The following HABP4 variants were observed in gnomAD, a reference collection of about 807,000 sequenced individuals.
HABP4 encodes hyaluronan binding protein 4.
HABP4 carries 32 observed loss-of-function variants against 44.1 expected under a neutral mutation model. That is an observed-to-expected ratio of 0.73 (90% CI 0.55 to 0.97). HABP4 has a LOEUF of 0.97. Among genes scored for constraint, HABP4 ranks in the 50% least tolerant of loss-of-function variants. HABP4 has a pLI of 0.00. For missense variants in HABP4, 503 were observed against 561.9 expected (o/e 0.90, Z 1.06); for synonymous variants, 216 against 218.0 (o/e 0.99, Z 0.08).
At chr9:96,467,634 T>C (rs1489627744) in intron 4 of HABP4, among the ~76,000 whole-genome samples, 1 of 151,318 alleles carries the variant, frequency 6.6e-6, no homozygotes. Flanking sequence ...CAAGCAATTC[T>C]CTTGCCTTAG....
chr9:96,460,662 A>G (rs980465513), intron 2 of HABP4, among the ~76,000 whole-genome samples: 1 of 152,226 alleles, frequency 6.6e-6, no homozygotes, highest in Non-Finnish European at 1.5e-5. Flanking sequence ...CTTTGTCCTT[A>G]TGAATTTGAC....
intron 5 of HABP4, 142 bp from the exon 6 acceptor site, chr9:96,484,320 T>A (rs1832932856): frequency 1.8e-6 from 1 of 548,592 alleles, no homozygotes; most frequent in South Asian, 2.9e-5. Context: ...AGCTTGTGAG[T>A]CAAAGATTTC....
chr9:96,466,179 G>A (rs570878860), intron 4 of HABP4, among the ~76,000 whole-genome samples: 1 of 152,224 alleles, frequency 6.6e-6, no homozygotes, highest in African/African-American at 2.4e-5. Flanking sequence ...AGACCAGCCT[G>A]TCCAACATGG....
rs138974636 is a variant in HABP4 at position 96,471,301 on chromosome 9, C to A, written c.827+207C>A. Among the ~76,000 whole-genome samples the A allele has an allele frequency of 3.2e-3, 487 of 152,226 alleles. 4 individuals carry two copies. The highest frequency in any genetic ancestry group is 0.011 in the African/African-American group (467 of 41,536). ...GGGACAATAGGCGTGCGCCACCACG[C>A]CCAGCTAATTTTTGCATTTTTAGTA... is the stretch of plus-strand genomic sequence containing the variant. On this transcript the variant is annotated intron_variant, in intron 5 of 7. Coordinates refer to ENST00000375249, the MANE Select transcript of HABP4 (RefSeq NM_014282.4).
intron 5 of HABP4, among the ~76,000 whole-genome samples, chr9:96,480,140 AC>A (rs1000814187): frequency 1.3e-5 from 2 of 152,106 alleles, no homozygotes; most frequent in Non-Finnish European, 2.9e-5. Context: ...ATACCACCGC[AC>A]TCCAGCCTGG....
chr9:96,489,928 A>T, intron 7 of HABP4, 54 bp from the exon 8 acceptor site: 1 of 1,078,316 alleles, frequency 9.3e-7, no homozygotes, highest in Non-Finnish European at 1.4e-6. Flanking sequence ...CCACTGGGAT[A>T]TCGGGAATGG....
chr9:96,479,523 T>C (rs1231474171), intron 5 of HABP4, among the ~76,000 whole-genome samples: 1 of 152,086 alleles, frequency 6.6e-6, no homozygotes, highest in Admixed American at 6.5e-5. Context: ...TTTTTTTTTT[T>C]CTTTTTGAGA....
chr9:96,463,441 G>A (rs532442191), intron 2 of HABP4, among the ~76,000 whole-genome samples: 6 of 152,186 alleles, frequency 3.9e-5, no homozygotes, highest in Admixed American at 3.9e-4. Flanking sequence ...TTTTAGTAGA[G>A]ATGGGGTCTC....
At chr9:96,471,532 G>A (rs1028277189) in intron 5 of HABP4, among the ~76,000 whole-genome samples, 2 of 152,236 alleles carry the variant, frequency 1.3e-5, no homozygotes, top group South Asian at 4.2e-4. Context: ...TGAATGACTG[G>A]TGATCAAACT....
Position 96,450,852 on chromosome 9 carries a change from C to T in HABP4, c.349+224C>T, listed in dbSNP as rs1183030849. Among the ~76,000 whole-genome samples, 1 of 152,098 alleles carries T rather than the reference C, an allele frequency of 6.6e-6. No individual in the cohort carries two copies. The highest frequency in any genetic ancestry group is 1.5e-5 in the Non-Finnish European group (1 of 68,010). On this transcript the variant is annotated intron_variant, in intron 1 of 7. Coordinates refer to ENST00000375249, the MANE Select transcript of HABP4 (RefSeq NM_014282.4). The surrounding 1 kb of genome is among the most constrained non-coding windows in gnomAD (Gnocchi z 4.8). Reference sequence around the variant, plus strand: ...ACGCTGGCTTGGGGTGGGATAGGGCCCTCGAACCCTGGCACTGAGGCTCTA... The same window carrying T: ...ACGCTGGCTTGGGGTGGGATAGGGCTCTCGAACCCTGGCACTGAGGCTCTA...
intron 5 of HABP4, among the ~76,000 whole-genome samples, chr9:96,480,688 C>A (rs1278949162): frequency 6.6e-6 from 1 of 152,140 alleles, no homozygotes; most frequent in Non-Finnish European, 1.5e-5. Context: ...ATGCATATCA[C>A]TAAATAGAAT....
rs771242161 is a variant in HABP4 at position 96,450,623 on chromosome 9, C to A, written c.344C>A (p.Ala115Glu). Residue 115 changes from alanine (A) to glutamate (E), a missense_variant, in exon 1 of 8, where the codon GCG becomes GAG. This residue lies in a region of HABP4 where 290 missense variants were observed against 300.5 expected (regional missense o/e 0.97). Transcript: ENST00000375249. The surrounding 1 kb of genome is among the most constrained non-coding windows in gnomAD (Gnocchi z 4.8). Reference sequence around the variant, plus strand: ...GATAGCCCCGGGGGCGGCCTGCAGGCGCCGGGTACGCGGGGACAGCGGGGT... The same window carrying A: ...GATAGCCCCGGGGGCGGCCTGCAGGAGCCGGGTACGCGGGGACAGCGGGGT... ...RPDSPGGGLQ[A>E]PGQKRTPRRG... 1 of 1,264,260 alleles carries A rather than the reference C, an allele frequency of 7.9e-7. No homozygotes were observed. Among genetic ancestry groups the A allele is most frequent in the Non-Finnish European group, 9.9e-7 (1 of 1,005,496 alleles). 78.3% of individuals were successfully genotyped at this position (1,264,260 alleles called of 1,614,324 possible).
At chr9:96,477,183 TTG>T (rs1832796829) in intron 5 of HABP4, among the ~76,000 whole-genome samples, 1 of 152,368 alleles carries the variant, frequency 6.6e-6, no homozygotes, top group East Asian at 1.9e-4. Context: ...ATTTATAAAC[TTG>T]TATTAGGTCG....
chr9:96,469,762 C>T (rs538734774), intron 4 of HABP4, among the ~76,000 whole-genome samples: 2 of 152,206 alleles, frequency 1.3e-5, no homozygotes, highest in South Asian at 4.1e-4. Context: ...ACCTCGTGAT[C>T]CTTCTGCCTC....
chr9:96,455,764 T>TA (rs1398397869), intron 1 of HABP4, among the ~76,000 whole-genome samples: 24 of 146,396 alleles, frequency 1.6e-4, no homozygotes, highest in South Asian at 1.5e-3. Context: ...AGACTTGGTC[T>TA]AAAAAAAAAG....
chr9:96,487,331 G>A (rs982052013), intron 6 of HABP4, among the ~76,000 whole-genome samples: 1 of 152,142 alleles, frequency 6.6e-6, no homozygotes, highest in Non-Finnish European at 1.5e-5. Flanking sequence ...GTGTGTGTGT[G>A]TGTGATACCC....
intron 5 of HABP4, among the ~76,000 whole-genome samples, chr9:96,478,526 G>A (rs1056510513): frequency 5.3e-5 from 8 of 152,230 alleles, no homozygotes; most frequent in East Asian, 1.9e-4. Flanking sequence ...AATGGTATGC[G>A]TATATTTCAC....
chr9:96,486,786 T>A (rs1832983122), intron 6 of HABP4, among the ~76,000 whole-genome samples: 1 of 151,988 alleles, frequency 6.6e-6, no homozygotes, highest in Non-Finnish European at 1.5e-5. Context: ...CAACCTCGCG[T>A]AAGGCACTGG....
chr9:96,465,731 C>T lies in HABP4; in HGVS notation c.696C>T (p.Asn232=). The change falls in exon 4 of 8, where the codon AAC becomes AAT. Residue 232 remains asparagine (N), a synonymous_variant. Coordinates refer to ENST00000375249, the MANE Select transcript of HABP4 (RefSeq NM_014282.4). ...GTAGAGCAGTCAGAACTGAAGACAA[C>T]ATGGGTGGATGTGGAGTTCGAACCT... The part of the protein sequence containing the change: ...NDKIAVRTED[N]MGGCGVRTWG... The T allele has an allele frequency of 1.2e-6, 2 of 1,603,968 alleles. No individual in the cohort carries two copies. Among genetic ancestry groups the T allele is most frequent in the Non-Finnish European group, 1.7e-6 (2 of 1,170,804 alleles).
Sources: gnomAD v4.1 joint callset for allele counts (sites outside exome capture counted in the v4.1 genomes callset) on GRCh38, gnomAD v4.1.1 for gene constraint, gnomAD v4.1.1 regional missense constraint, Gnocchi (gnomAD v3.1) non-coding constraint, MANE v1.5 for transcripts, NCBI Gene and HGNC (gene_info 2026-07-23, HGNC 2026-07-21) for gene names.